TCERG1L: variants seen among roughly 807,000 people sequenced by gnomAD.
TCERG1L encodes transcription elongation regulator 1-like protein.
Under a neutral mutation model 56.3 loss-of-function variants are expected in TCERG1L, and 37 were observed. That is an observed-to-expected ratio of 0.66 (90% confidence interval 0.51 to 0.87). The LOEUF is 0.87. Ranked by LOEUF, TCERG1L falls within the 40% of genes least tolerant of loss-of-function variation. The probability of loss-of-function intolerance (pLI) is 0.00; values close to 1 mark genes in which losing one functional copy is unlikely to be tolerated. For missense variants in TCERG1L, 799 were observed against 774.2 expected, an observed-to-expected ratio of 1.03 and a Z score of -0.38; for synonymous variants, 324 against 326.3, an observed-to-expected ratio of 0.99 and a Z score of 0.08.
intron 6 of TCERG1L, among the ~76,000 whole-genome samples, chr10:131,151,783 C>A (rs767915351): frequency 6.6e-6 from 1 of 152,244 alleles, no homozygotes; most frequent in Non-Finnish European, 1.5e-5. Context: ...TCTGCACCTG[C>A]AGCAAATTTC....
chr10:131,240,171 A>G (rs1407871856), intron 4 of TCERG1L, among the ~76,000 whole-genome samples: 1 of 152,090 alleles, frequency 6.6e-6, no homozygotes, highest in Non-Finnish European at 1.5e-5. Flanking sequence ...AGGAATGTGT[A>G]TTCTGAGCCT....
At chr10:131,188,560 A>G (rs765341240) in intron 4 of TCERG1L, among the ~76,000 whole-genome samples, 1 of 152,196 alleles carries the variant, frequency 6.6e-6, no homozygotes, top group Non-Finnish European at 1.5e-5. Flanking sequence ...TTACTCCTAC[A>G]TTCAATAATG....
At chr10:131,143,353 G>T (rs1845758247) in intron 7 of TCERG1L, among the ~76,000 whole-genome samples, 1 of 152,096 alleles carries the variant, frequency 6.6e-6, no homozygotes, top group Admixed American at 6.5e-5. Context: ...CGACCCCTTG[G>T]AGGCACTAAC....
intron 3 of TCERG1L, among the ~76,000 whole-genome samples, chr10:131,307,717 G>A (rs555704479): frequency 1.3e-5 from 2 of 152,238 alleles, no homozygotes; most frequent in Admixed American, 1.3e-4. Flanking sequence ...AGACTCCAAA[G>A]ATAGAACAAA....
intron 10 of TCERG1L, among the ~76,000 whole-genome samples, chr10:131,102,324 A>T (rs1845311803): frequency 6.6e-6 from 1 of 152,076 alleles, no homozygotes; most frequent in Admixed American, 6.6e-5. Flanking sequence ...CTCCAGGGAG[A>T]GGGTCCAGTT....
chr10:131,207,889 A>G (rs1352761851), intron 4 of TCERG1L, among the ~76,000 whole-genome samples: 2 of 152,138 alleles, frequency 1.3e-5, no homozygotes, highest in Non-Finnish European at 2.9e-5. Flanking sequence ...GCTCAGCTGG[A>G]AATAGGCTGT....
chr10:131,173,659 G>C (rs888890810), intron 4 of TCERG1L, among the ~76,000 whole-genome samples: 1 of 152,216 alleles, frequency 6.6e-6, no homozygotes, highest in Non-Finnish European at 1.5e-5. Context: ...TAGATTTCAG[G>C]GGTTAAAAAC....
chr10:131,148,979 C>A (rs1463017747), intron 6 of TCERG1L, among the ~76,000 whole-genome samples: 1 of 152,212 alleles, frequency 6.6e-6, no homozygotes, highest in Admixed American at 6.5e-5. Context: ...GCCTTGGCCA[C>A]AGCTGGCCTG....
intron 7 of TCERG1L, among the ~76,000 whole-genome samples, chr10:131,143,894 CTT>C (rs1417090330): frequency 3.9e-5 from 6 of 152,194 alleles, no homozygotes; most frequent in Admixed American, 3.9e-4. Flanking sequence ...TAATTCAAGA[CTT>C]TGCTGGAATC....
At chr10:131,302,513 C>A (rs549774542) in intron 3 of TCERG1L, among the ~76,000 whole-genome samples, 1 of 151,848 alleles carries the variant, frequency 6.6e-6, no homozygotes, top group African/African-American at 2.4e-5. Context: ...TACCTTGAAA[C>A]GGCTCTGCGA....
chr10:131,172,979 C>T (rs1001454329), intron 4 of TCERG1L, among the ~76,000 whole-genome samples: 4 of 150,854 alleles, frequency 2.7e-5, no homozygotes, highest in African/African-American at 9.8e-5. Context: ...CAACTTCTGC[C>T]TCCTGGGTTC....
chr10:131,174,318 A>G (rs1564807414), intron 4 of TCERG1L, among the ~76,000 whole-genome samples: 1 of 152,208 alleles, frequency 6.6e-6, no homozygotes, highest in Non-Finnish European at 1.5e-5. Flanking sequence ...CCGGCCGCAC[A>G]GGCTGAAACC....
At chr10:131,200,419 G>A (rs1248763739) in intron 4 of TCERG1L, among the ~76,000 whole-genome samples, 1 of 152,208 alleles carries the variant, frequency 6.6e-6, no homozygotes, top group Non-Finnish European at 1.5e-5. Flanking sequence ...AGTCAAAGAA[G>A]GTGATTCTCA....
intron 4 of TCERG1L, among the ~76,000 whole-genome samples, chr10:131,244,867 C>T (rs113626120): frequency 6.6e-6 from 1 of 152,204 alleles, no homozygotes; most frequent in Non-Finnish European, 1.5e-5. Context: ...GCCACCACCC[C>T]CTAGATGGGC....
intron 4 of TCERG1L, among the ~76,000 whole-genome samples, chr10:131,194,399 G>A (rs1003222491): frequency 6.6e-6 from 1 of 152,222 alleles, no homozygotes; most frequent in African/African-American, 2.4e-5. Context: ...TTCATGCCTA[G>A]TGCCTAGTCC....
intron 9 of TCERG1L, among the ~76,000 whole-genome samples, chr10:131,105,004 G>A (rs563375031): frequency 1.3e-5 from 2 of 152,256 alleles, no homozygotes; most frequent in African/African-American, 4.8e-5. Context: ...TTCCATTTCT[G>A]CCAAGGACCT....
At chr10:131,153,062 T>G (rs573921297) in intron 6 of TCERG1L, among the ~76,000 whole-genome samples, 1 of 152,128 alleles carries the variant, frequency 6.6e-6, no homozygotes, top group Non-Finnish European at 1.5e-5. Context: ...TATCAGTGAG[T>G]CTGGGCAGGT....
At chr10:131,210,484 G>A (rs12246771) in intron 4 of TCERG1L, among the ~76,000 whole-genome samples, 2,628 of 152,278 alleles carry the variant, frequency 0.017, 71 homozygotes, top group African/African-American at 0.059. Context: ...CCGGCACTCC[G>A]TGGGCAATAC....
intron 4 of TCERG1L, among the ~76,000 whole-genome samples, chr10:131,196,485 A>G (rs1726365286): frequency 6.6e-6 from 1 of 152,232 alleles, no homozygotes; most frequent in South Asian, 2.1e-4. Context: ...AGGCCTGAGC[A>G]TGTTCTGAGG....
Sources: gnomAD v4.1 joint callset for allele counts (sites outside exome capture counted in the v4.1 genomes callset) on GRCh38, gnomAD v4.1.1 for gene constraint, MANE v1.5 for transcripts, NCBI Gene and HGNC (gene_info 2026-07-23, HGNC 2026-07-21) for gene names.